Variants in RIF1 observed in about 807,000 individuals in gnomAD.
RIF1 encodes telomere-associated protein RIF1.
RIF1 carries 45 observed loss-of-function variants against 247.1 expected under a neutral mutation model. That is an observed-to-expected ratio of 0.18 (90% CI 0.14 to 0.23). The LOEUF is 0.23. Ranked by LOEUF, RIF1 falls within the 10% of genes least tolerant of loss-of-function variation. The probability of loss-of-function intolerance (pLI) is 1.00; values close to 1 mark genes in which losing one functional copy is unlikely to be tolerated. For missense variants in RIF1, 2,967 were observed against 2,862.5 expected, an observed-to-expected ratio of 1.04 and a Z score of -0.83; for synonymous variants, 1,087 against 978.8, an observed-to-expected ratio of 1.11 and a Z score of -2.06.
At chr2:151,510,344 G>A (rs544356078), downstream of RIF1, among the ~76,000 whole-genome samples, 170 of 152,302 alleles carry the variant, frequency 1.1e-3, no homozygotes, top group African/African-American at 3.8e-3. Context: ...AGGCCTAGCC[G>A]AAACTTTTGG....
downstream of RIF1, chr2:151,512,889 T>A: frequency 2.4e-6 from 3 of 1,244,468 alleles, no homozygotes; most frequent in Non-Finnish European, 3.5e-6. Flanking sequence ...TGCACAACAG[T>A]TGTTGGCTTG....
chr2:151,473,422 A>C (rs1320503407), intron 34 of RIF1, among the ~76,000 whole-genome samples: 1 of 150,582 alleles, frequency 6.6e-6, no homozygotes, highest in Admixed American at 6.7e-5. Flanking sequence ...CAGCCTCCCG[A>C]GTAGCTGGGA....
Position 151,473,280 on chromosome 2 carries a change from GA to G in RIF1, c.7096-680del, listed in dbSNP as rs528338113. On this transcript the variant is annotated intron_variant, in intron 34 of 35. Transcript: ENST00000444746. The stretch of plus-strand genomic sequence containing the variant: ...GTCCATACGTCCTAGGAACACTTAA[GA>G]AAATTGTATCCTTTTTTTTTTTTTT... 1.6e-4 allele frequency among the ~76,000 whole-genome samples: 23 copies of G among 143,352 alleles called. 1 individual carries two copies. In the East Asian group the frequency reaches 4.6e-3, roughly 29 times the overall value. The allele number at this position is 143,352 out of a possible 152,430, so 94.0% of individuals were successfully genotyped here. A position where few individuals can be genotyped will look rare whatever the true frequency, so the allele number is the denominator to read the frequency against.
intron 9 of RIF1, chr2:151,490,576 G>T: frequency 1.9e-6 from 3 of 1,554,960 alleles, no homozygotes; most frequent in Non-Finnish European, 2.6e-6. Context: ...TGGTAGTAAT[G>T]CCTAACAGTG....
At chr2:151,467,389 CAG>C (rs1697097898) in intron 30 of RIF1, among the ~76,000 whole-genome samples, 2 of 152,114 alleles carry the variant, frequency 1.3e-5, no homozygotes, top group Admixed American at 6.5e-5. Flanking sequence ...GTCTGTAAGA[CAG>C]AGTAGTGCAG....
the RIF1 span, chr2:151,526,079 C>A: frequency 6.2e-7 from 1 of 1,613,132 alleles, no homozygotes; most frequent in Non-Finnish European, 8.5e-7. Context: ...CTGGGGGAAT[C>A]CATAGAGAGC....
Position 151,443,825 on chromosome 2 carries a change from G to T in RIF1, c.1986+116G>T, listed in dbSNP as rs560314040. The T allele has an allele frequency of 4.7e-4, 279 of 595,628 alleles. 1 individual carries two copies. The East Asian group carries it at 8.7e-3, about 19-fold the overall frequency. 36.9% of individuals were successfully genotyped at this position (595,628 alleles called of 1,614,324 possible). A position where few individuals can be genotyped will look rare whatever the true frequency, so the allele number is the denominator to read the frequency against. On this transcript the variant is annotated intron_variant, in intron 18 of 35. Transcript: ENST00000444746. Reference sequence around the variant, plus strand: ...TAGAAGATGGTAAATATTTTTTCTGGTGGAATTGGTAAACGTTGTACTTTT... The same window carrying T: ...TAGAAGATGGTAAATATTTTTTCTGTTGGAATTGGTAAACGTTGTACTTTT...
intron 9 of RIF1, among the ~76,000 whole-genome samples, chr2:151,490,839 C>T (rs1189306445): frequency 2.0e-5 from 3 of 152,210 alleles, no homozygotes; most frequent in Non-Finnish European, 4.4e-5. Context: ...GTAATATTCA[C>T]ATTCAGACTC....
intron 8 of RIF1, among the ~76,000 whole-genome samples, chr2:151,428,330 A>G (rs1199756295): frequency 6.6e-6 from 1 of 152,248 alleles, no homozygotes; most frequent in Admixed American, 6.5e-5. Context: ...TTTTACAGCC[A>G]TGAAATAAGA....
At position 151,411,347 on chromosome 2, in the gene RIF1, CTGTT is replaced by C. The variant is rs773889833; in HGVS notation, c.183+14_183+17del. The C allele has an allele frequency of 5.5e-5, 82 of 1,501,678 alleles. No homozygotes were observed. The South Asian group carries it at 6.4e-4, about 12-fold the overall frequency. 93.0% of individuals were successfully genotyped at this position (1,501,678 alleles called of 1,614,324 possible). ...TGTACAAAGTTTTAAAGGTATGTAT[CTGTT>C]TGTTAAACAGTTTTTCACTTTTGGT... On this transcript the variant is annotated intron_variant, in intron 3 of 35. Transcript: ENST00000444746.
chr2:151,424,808 A>G (rs889511714), intron 8 of RIF1, among the ~76,000 whole-genome samples: 11 of 125,930 alleles, frequency 8.7e-5, no homozygotes, highest in African/African-American at 3.5e-4. Context: ...ACCTGGGACT[A>G]CCACCCAGCC....
intron 26 of RIF1, 31 bp from the exon 27 acceptor site, chr2:151,461,107 T>C (rs767168936): frequency 2.5e-6 from 4 of 1,587,032 alleles, no homozygotes; most frequent in Admixed American, 3.7e-5. Flanking sequence ...GAAGCTAAAA[T>C]GTACATTTGC....
intron 1 of RIF1, 96 bp downstream of exon 1, chr2:151,410,129 C>T: frequency 1.5e-6 from 1 of 683,190 alleles, no homozygotes; most frequent in Non-Finnish European, 2.7e-6. Context: ...GTTCCCCGGG[C>T]TTCTCCCGCC....
chr2:151,508,885 C>CTGAT (rs1166666945), downstream of RIF1, among the ~76,000 whole-genome samples: 1 of 152,248 alleles, frequency 6.6e-6, no homozygotes, highest in East Asian at 1.9e-4. Flanking sequence ...CACCACCAAA[C>CTGAT]TGATGATTGT....
At chr2:151,432,117 TC>T (rs1437270664) in intron 9 of RIF1, among the ~76,000 whole-genome samples, 2 of 152,240 alleles carry the variant, frequency 1.3e-5, no homozygotes, top group Non-Finnish European at 2.9e-5. Context: ...CAAGCGAGTC[TC>T]CTGCCTTAGG....
chr2:151,510,740 A>G (rs1247358652), downstream of RIF1, among the ~76,000 whole-genome samples: 1 of 152,224 alleles, frequency 6.6e-6, no homozygotes, highest in Non-Finnish European at 1.5e-5. Context: ...AAAAACCAGT[A>G]TATATAGGGT....
chr2:151,497,133 C>T, intron 10 of RIF1: 4 of 1,414,518 alleles, frequency 2.8e-6, no homozygotes, highest in Non-Finnish European at 3.9e-6. Context: ...AGACAAAACA[C>T]AGTTGTCCAA....
At chr2:151,467,751 T>C (rs573066535) in intron 30 of RIF1, among the ~76,000 whole-genome samples, 1 of 152,306 alleles carries the variant, frequency 6.6e-6, no homozygotes, top group East Asian at 1.9e-4. Context: ...AAGTTTTTGT[T>C]ACTGTGCCTT....
intron 9 of RIF1, chr2:151,494,363 T>G (rs1449963170): frequency 1.4e-6 from 1 of 737,582 alleles, no homozygotes; most frequent in Admixed American, 2.7e-5. Context: ...CCAAACCATT[T>G]GGGCAATTAG....
Sources: gnomAD v4.1 joint callset for allele counts (sites outside exome capture counted in the v4.1 genomes callset) on GRCh38, gnomAD v4.1.1 for gene constraint, MANE v1.5 for transcripts, NCBI Gene and HGNC (gene_info 2026-07-23, HGNC 2026-07-21) for gene names.